Variants in NTNG1 observed in about 807,000 individuals in gnomAD.
NTNG1 encodes the protein netrin-G1.
A neutral mutation model predicts 54.0 loss-of-function variants in NTNG1; 16 were observed. The observed-to-expected ratio is 0.30, with a 90% CI of 0.20 to 0.45. NTNG1 has a LOEUF of 0.45. NTNG1 is among the 20% of genes least tolerant of loss of function. The probability of loss-of-function intolerance (pLI) is 1.00; values close to 1 mark genes in which losing one functional copy is unlikely to be tolerated. For synonymous variants in NTNG1, 255 were observed against 263.1 expected (o/e 0.97, Z 0.30); for missense variants, 530 against 678.7 (o/e 0.78, Z 2.43).
At chr1:107,314,902 A>G (rs982696261) in intron 2 of NTNG1, among the ~76,000 whole-genome samples, 7 of 152,244 alleles carry the variant, frequency 4.6e-5, no homozygotes, top group African/African-American at 1.7e-4. Flanking sequence ...GTGAATAACA[A>G]TATCTCCCTC....
At chr1:107,352,450 C>T (rs74608311) in intron 3 of NTNG1, among the ~76,000 whole-genome samples, 1 of 152,174 alleles carries the variant, frequency 6.6e-6, no homozygotes, top group African/African-American at 2.4e-5. Context: ...GACAGACCCA[C>T]TAGACAATGC....
chr1:107,260,963 A>G (rs1252898572), intron 2 of NTNG1: 1 of 152,270 alleles, frequency 6.6e-6, no homozygotes, highest in Non-Finnish European at 1.5e-5. Context: ...TAGGCAAGAG[A>G]AAAAAGCAAG....
intron 7 of NTNG1, among the ~76,000 whole-genome samples, chr1:107,474,209 A>T (rs1414785872): frequency 6.6e-6 from 1 of 152,190 alleles, no homozygotes; most frequent in African/African-American, 2.4e-5. Context: ...CTGACATAGG[A>T]CACTCTAAGA....
intron 7 of NTNG1, among the ~76,000 whole-genome samples, chr1:107,449,721 A>T (rs1041244121): frequency 4.0e-5 from 1 of 24,854 alleles, no homozygotes; most frequent in African/African-American, 1.1e-4. Flanking sequence ...CTGCTGGATT[A>T]AAAAAAAAAA....
At chr1:107,189,726 C>T (rs186334035) in intron 2 of NTNG1, among the ~76,000 whole-genome samples, 1 of 150,304 alleles carries the variant, frequency 6.7e-6, no homozygotes. Context: ...CCCTGGACGA[C>T]AAATAGTTCT....
intron 3 of NTNG1, among the ~76,000 whole-genome samples, chr1:107,342,340 C>T (rs1358512385): frequency 6.6e-6 from 1 of 151,980 alleles, no homozygotes; most frequent in African/African-American, 2.4e-5. Context: ...TTACCATAAT[C>T]ATAAGAGGAA....
chr1:107,336,217 A>T (rs1668569269), intron 3 of NTNG1, among the ~76,000 whole-genome samples: 1 of 151,530 alleles, frequency 6.6e-6, no homozygotes, highest in Non-Finnish European at 1.5e-5. Flanking sequence ...AACTTACTAC[A>T]AAGTCACAGT....
At position 107,480,633 on chromosome 1, in the gene NTNG1, C is replaced by T. The variant is rs1341673942; in HGVS notation, c.1413C>T (p.Leu471=). 2 of 1,481,652 alleles carry T rather than the reference C, an allele frequency of 1.3e-6. No homozygotes were observed. The highest frequency in any genetic ancestry group is 1.4e-5 in the African/African-American group (1 of 70,406). 91.8% of individuals were successfully genotyped at this position (1,481,652 alleles called of 1,614,324 possible). A position where few individuals can be genotyped will look rare whatever the true frequency, so the allele number is the denominator to read the frequency against. ...GCQPNVCDNE[L]LHCQNGGTCH... ...CAGCGAATGTCTGCGACAACGAGCT[C>T]CTGCACTGCCAGAACGGAGGGACGT... The change falls in exon 8 of 8, where the codon CTC becomes CTT. Residue 471 remains leucine (L), a synonymous_variant. Transcript: ENST00000370068.
chr1:107,352,177 C>G (rs1669657543), intron 3 of NTNG1, among the ~76,000 whole-genome samples: 1 of 152,202 alleles, frequency 6.6e-6, no homozygotes, highest in African/African-American at 2.4e-5. Context: ...CAGTTATGGG[C>G]TCTGGAGTAC....
chr1:107,375,765 C>A (rs1042053779), intron 3 of NTNG1, among the ~76,000 whole-genome samples: 2 of 152,128 alleles, frequency 1.3e-5, no homozygotes, highest in East Asian at 1.9e-4. Flanking sequence ...TTTTTAGCTA[C>A]CCCAAGAGGA....
chr1:107,300,711 G>A (rs1666263896), intron 2 of NTNG1, among the ~76,000 whole-genome samples: 1 of 152,116 alleles, frequency 6.6e-6, no homozygotes, highest in Non-Finnish European at 1.5e-5. Flanking sequence ...CTTTTTTAAA[G>A]TTGATTGTAG....
At chr1:107,389,760 G>A (rs1199267866) in intron 3 of NTNG1, among the ~76,000 whole-genome samples, 2 of 152,222 alleles carry the variant, frequency 1.3e-5, no homozygotes, top group African/African-American at 4.8e-5. Context: ...TACTGTGGGT[G>A]TAAACAGAAT....
At chr1:107,181,061 AC>A (rs1032362579) in intron 2 of NTNG1, among the ~76,000 whole-genome samples, 14 of 152,144 alleles carry the variant, frequency 9.2e-5, no homozygotes, top group African/African-American at 3.4e-4. Flanking sequence ...CTTATGCCGA[AC>A]TCTTTTCTAA....
In NTNG1 at chr1:107,332,100, T is replaced by G. The variant is rs976089877; in HGVS notation, c.887+7178T>G. ...TGGACAACTGAGGGACATTCTGATT[T>G]GGAGCATATTTTTAAAATCTATTAG... On this transcript the variant is annotated intron_variant, in intron 3 of 7. Transcript: ENST00000370068. 6.6e-5 allele frequency among the ~76,000 whole-genome samples: 10 copies of G among 152,238 alleles called. No homozygotes were observed. In the East Asian group the frequency reaches 1.7e-3, roughly 26 times the overall value.
intron 2 of NTNG1, among the ~76,000 whole-genome samples, chr1:107,276,585 A>G (rs1442973203): frequency 6.6e-6 from 1 of 152,032 alleles, no homozygotes; most frequent in Admixed American, 6.6e-5. Context: ...AACACTGGGT[A>G]TCTACTTCTG....
chr1:107,473,328 C>T (rs112222423), intron 7 of NTNG1, among the ~76,000 whole-genome samples: 2 of 152,150 alleles, frequency 1.3e-5, no homozygotes, highest in East Asian at 3.8e-4. Flanking sequence ...GAAAACTTCC[C>T]TTTGGTAGTG....
chr1:107,442,433 A>G (rs1236016473), intron 7 of NTNG1, among the ~76,000 whole-genome samples: 1 of 152,164 alleles, frequency 6.6e-6, no homozygotes, highest in East Asian at 1.9e-4. Context: ...AGAGACCTCT[A>G]CATTAACCAA....
At chr1:107,152,988 C>T (rs1368652839) in intron 2 of NTNG1, among the ~76,000 whole-genome samples, 1 of 152,112 alleles carries the variant, frequency 6.6e-6, no homozygotes, top group East Asian at 1.9e-4. Context: ...CCTGTGCTCT[C>T]GATAGGCATT....
chr1:107,354,779 C>T (rs1669841731), intron 3 of NTNG1, among the ~76,000 whole-genome samples: 1 of 152,112 alleles, frequency 6.6e-6, no homozygotes, highest in African/African-American at 2.4e-5. Context: ...CTTCCTCATC[C>T]GCTTCCACTG....
Sources: gnomAD v4.1 joint callset for allele counts (sites outside exome capture counted in the v4.1 genomes callset) on GRCh38, gnomAD v4.1.1 for gene constraint, MANE v1.5 for transcripts, NCBI Gene and HGNC (gene_info 2026-07-23, HGNC 2026-07-21) for gene names.